BUB1: variants seen among roughly 807,000 people sequenced by gnomAD.
BUB1 encodes BUB1 mitotic checkpoint serine/threonine kinase, also known as mitotic checkpoint serine/threonine-protein kinase BUB1.
A neutral mutation model predicts 135.2 loss-of-function variants in BUB1; 84 were observed. The ratio of observed to expected loss-of-function variants is 0.62; its 90% CI spans 0.52 to 0.74. The LOEUF is 0.74. Among genes scored for constraint, BUB1 ranks in the 30% least tolerant of loss-of-function variants. The pLI is 0.00. For missense variants in BUB1, 1,162 were observed against 1,288.3 expected, an observed-to-expected ratio of 0.90 and a Z score of 1.50; for synonymous variants, 403 against 434.4, an observed-to-expected ratio of 0.93 and a Z score of 0.90.
intron 23 of BUB1, 135 bp downstream of exon 23, chr2:110,640,899 G>A (rs1173248292): frequency 1.3e-6 from 1 of 759,188 alleles, no homozygotes; most frequent in Non-Finnish European, 2.0e-6. Context: ...CTGCCATGTT[G>A]GCCTTAGGCT....
At chr2:110,668,526 G>C (rs1420298595) in intron 6 of BUB1, among the ~76,000 whole-genome samples, 3 of 152,204 alleles carry the variant, frequency 2.0e-5, no homozygotes, top group Non-Finnish European at 2.9e-5. Context: ...AAGCACACAG[G>C]CGTTTCCATT....
At chr2:110,642,304 A>C in intron 19 of BUB1, 70 bp from the exon 20 acceptor site, 1 of 1,076,550 alleles carries the variant, frequency 9.3e-7, no homozygotes, top group Non-Finnish European at 1.4e-6. Context: ...TTTACAAAGA[A>C]GTTACAAAGA....
At chr2:110,651,762 G>A (rs1689793286) in intron 17 of BUB1, among the ~76,000 whole-genome samples, 1 of 152,028 alleles carries the variant, frequency 6.6e-6, no homozygotes, top group African/African-American at 2.4e-5. Flanking sequence ...CTTTTACACT[G>A]TATTTTTACT....
In BUB1 at chr2:110,667,514, C is replaced by A. The variant is rs1193772252; in HGVS notation, c.805+7G>T. On this transcript the variant is annotated splice_region_variant and intron_variant, in intron 8 of 24. Coordinates refer to ENST00000302759, the MANE Select transcript of BUB1 (RefSeq NM_004336.5). Reference sequence around the variant, plus strand: ...AAGAATAACTAAAAATACAAGATTGCAAGTACCCCATTGCTCATGCTTTCT... The same window carrying A: ...AAGAATAACTAAAAATACAAGATTGAAAGTACCCCATTGCTCATGCTTTCT... 1 of 1,598,290 alleles carries A rather than the reference C, an allele frequency of 6.3e-7. No homozygotes were observed. The highest frequency in any genetic ancestry group is 8.5e-7 in the Non-Finnish European group (1 of 1,174,814).
chr2:110,675,682 T>C (rs900935770), intron 1 of BUB1, among the ~76,000 whole-genome samples: 4 of 152,164 alleles, frequency 2.6e-5, no homozygotes, highest in Non-Finnish European at 4.4e-5. Flanking sequence ...GATGGAATCT[T>C]GCTCTGTTGC....
intron 1 of BUB1, among the ~76,000 whole-genome samples, chr2:110,676,864 C>T (rs1208324199): frequency 1.3e-5 from 2 of 151,648 alleles, no homozygotes; most frequent in Non-Finnish European, 2.9e-5. Flanking sequence ...CAGGAGTTCT[C>T]GGTAAATACT....
At chr2:110,675,696 C>T (rs1325518953) in intron 1 of BUB1, among the ~76,000 whole-genome samples, 2 of 151,832 alleles carry the variant, frequency 1.3e-5, no homozygotes, top group East Asian at 1.9e-4. Context: ...CTGTTGCCCA[C>T]GCTGGAGTGC....
intron 4 of BUB1, 51 bp downstream of exon 4, chr2:110,672,610 C>T (rs1452924422): frequency 6.7e-7 from 1 of 1,498,444 alleles, no homozygotes. Context: ...TAACAGCAAA[C>T]ATTACTTTTC....
intron 3 of BUB1, among the ~76,000 whole-genome samples, chr2:110,673,630 G>A (rs1276534847): frequency 2.6e-5 from 4 of 152,124 alleles, no homozygotes; most frequent in Non-Finnish European, 5.9e-5. Context: ...GTCTCACTCT[G>A]TCACCCAGGC....
rs146376354 is a variant in BUB1, at chr2:110,649,265, T to A, written c.2316A>T (p.Pro772=). The change falls in exon 19 of 25, where the codon CCA becomes CCT. Residue 772 remains proline (P), a synonymous_variant. Coordinates refer to ENST00000302759, the MANE Select transcript of BUB1 (RefSeq NM_004336.5). ...PNTFEWQCKL[P]AIKPKTEFQL... is the part of the protein sequence containing the mutation. ...GAAATTCAGTCTTGGGCTTGATGGC[T>A]GGAAGTTTACATTGCCATTCAAAAG... 5 of 1,611,684 alleles carry A rather than the reference T, an allele frequency of 3.1e-6. No individual in the cohort carries two copies. In the African/African-American group the frequency reaches 6.7e-5, roughly 22 times the overall value.
chr2:110,658,851 A>C (rs1690005487), intron 11 of BUB1, 109 bp from the exon 12 acceptor site: 1 of 1,370,612 alleles, frequency 7.3e-7, no homozygotes, highest in Non-Finnish European at 1.0e-6. Context: ...ATTGTTAAAA[A>C]TTATCACTAA....
chr2:110,661,607 A>C lies in BUB1; in HGVS notation c.1192T>G (p.Phe398Val). ...CCAGCATCTTTGCTGGCCACTGCAA[A>C]CATGGAGTCTGTTACTGTCTGGGCT... is the stretch of plus-strand genomic sequence containing the variant. ...LKAQTVTDSM[F>V]AVASKDAGCV... is the part of the protein sequence containing the mutation. Residue 398 changes from phenylalanine (F) to valine (V), a missense_variant, in exon 10 of 25, where the codon TTT becomes GTT. By Grantham distance (50) the Phe-to-Val change is conservative. Transcript: ENST00000302759. The C allele has an allele frequency of 6.2e-7, 1 of 1,614,184 alleles. No individual in the cohort carries two copies. The highest frequency in any genetic ancestry group is 8.5e-7 in the Non-Finnish European group (1 of 1,180,034).
At chr2:110,676,188 TA>T (rs755684669) in intron 1 of BUB1, among the ~76,000 whole-genome samples, 9 of 151,916 alleles carry the variant, frequency 5.9e-5, no homozygotes, top group East Asian at 1.9e-4. Context: ...ACTATTAACC[TA>T]TTTTTTTTTA....
Position 110,639,785 on chromosome 2 carries a change from T to C in BUB1, c.3019A>G (p.Lys1007Glu), listed in dbSNP as rs1301175004. The C allele has an allele frequency of 1.9e-6, 3 of 1,613,962 alleles. No homozygotes were observed. The highest frequency in any genetic ancestry group is 2.5e-6 in the Non-Finnish European group (3 of 1,179,978). ...CMLFGTYMKVKNEGGECKPEG... is the reference protein window; with the variant it reads ...CMLFGTYMKVENEGGECKPEG... Reference sequence around the variant, plus strand: ...GGCTTACACTCTCCTCCTTCATTTTTCACTTTCATGTAAGTGCCAAAGAGC... The same window carrying C: ...GGCTTACACTCTCCTCCTTCATTTTCCACTTTCATGTAAGTGCCAAAGAGC... The change falls in exon 24 of 25, where the codon AAA becomes GAA. Residue 1007 changes from lysine to glutamate, a missense_variant. Physicochemically the swap from Lys to Glu is moderately conservative, Grantham distance 56. Transcript: ENST00000302759.
At chr2:110,656,947 C>A in intron 15 of BUB1, 89 bp downstream of exon 15, 1 of 893,218 alleles carries the variant, frequency 1.1e-6, no homozygotes, top group Admixed American at 2.4e-5. Context: ...GTTTCACATA[C>A]ACAATATCCT....
chr2:110,649,140 A>G (rs1220601590), intron 19 of BUB1, 94 bp downstream of exon 19: 4 of 1,225,060 alleles, frequency 3.3e-6, no homozygotes. Flanking sequence ...GGGGGCAAAT[A>G]GGAGAATCAC....
chr2:110,676,382 T>A (rs1349736117), intron 1 of BUB1, among the ~76,000 whole-genome samples: 1 of 152,208 alleles, frequency 6.6e-6, no homozygotes, highest in Non-Finnish European at 1.5e-5. Context: ...AAACAGGCTC[T>A]CTGTCGCATC....
chr2:110,649,093 G>T, intron 19 of BUB1, 141 bp downstream of exon 19: 1 of 726,252 alleles, frequency 1.4e-6, no homozygotes, highest in Non-Finnish European at 2.1e-6. Flanking sequence ...AAAATGATCA[G>T]TTTAGTATTA....
chr2:110,671,763 A>G (rs1009834067), intron 4 of BUB1, among the ~76,000 whole-genome samples: 5 of 152,258 alleles, frequency 3.3e-5, no homozygotes, highest in African/African-American at 7.2e-5. Flanking sequence ...GCAAAGCTGT[A>G]TATGTACATA....
Sources: gnomAD v4.1 joint callset for allele counts (sites outside exome capture counted in the v4.1 genomes callset) on GRCh38, gnomAD v4.1.1 for gene constraint, MANE v1.5 for transcripts, NCBI Gene and HGNC (gene_info 2026-07-23, HGNC 2026-07-21) for gene names.